FAM184A: variants seen among roughly 807,000 people sequenced by gnomAD.
FAM184A encodes the protein family with sequence similarity 184 member A.
A neutral mutation model predicts 143.8 loss-of-function variants in FAM184A; 99 were observed. The ratio of observed to expected loss-of-function variants is 0.69; its 90% CI spans 0.58 to 0.81. The LOEUF (loss-of-function observed/expected upper bound fraction) is 0.81. FAM184A is among the 40% of genes least tolerant of loss of function. The probability of loss-of-function intolerance (pLI) is 0.00; values close to 1 mark genes in which losing one functional copy is unlikely to be tolerated. For missense variants in FAM184A, 1,217 were observed against 1,310.5 expected (o/e 0.93, Z 1.10); for synonymous variants, 427 against 446.4 (o/e 0.96, Z 0.55).
chr6:119,118,062 C>G (rs1053216262), intron 1 of FAM184A, among the ~76,000 whole-genome samples: 2 of 152,190 alleles, frequency 1.3e-5, no homozygotes, highest in Non-Finnish European at 2.9e-5. Flanking sequence ...TTCTGGATTG[C>G]TGTATATGGC....
chr6:118,997,995 C>T (rs1784624630), intron 9 of FAM184A, among the ~76,000 whole-genome samples: 1 of 152,134 alleles, frequency 6.6e-6, no homozygotes, highest in African/African-American at 2.4e-5. Flanking sequence ...AATGCTGTTT[C>T]TTAGTCTAGT....
chr6:119,099,915 G>A (rs764889832), intron 1 of FAM184A, among the ~76,000 whole-genome samples: 19 of 152,180 alleles, frequency 1.2e-4, no homozygotes, highest in Non-Finnish European at 2.1e-4. Context: ...CCAGAACCAG[G>A]ATTTGGGATC....
chr6:119,002,112 T>C (rs1382232815), intron 9 of FAM184A, among the ~76,000 whole-genome samples: 1 of 152,174 alleles, frequency 6.6e-6, no homozygotes, highest in Non-Finnish European at 1.5e-5. Flanking sequence ...ATGTAACAAA[T>C]GATCTTACAA....
chr6:119,133,912 G>T (rs561207545), intron 1 of FAM184A, among the ~76,000 whole-genome samples: 8 of 151,426 alleles, frequency 5.3e-5, no homozygotes, highest in African/African-American at 1.7e-4. Flanking sequence ...CCAAAGCAGG[G>T]CTCAAGTGAT....
intron 1 of FAM184A, among the ~76,000 whole-genome samples, chr6:119,040,254 C>G (rs548809992): frequency 1.8e-4 from 28 of 152,310 alleles, no homozygotes; most frequent in African/African-American, 6.7e-4. Context: ...TATGGATTTG[C>G]CGCCGGTAAC....
intron 4 of FAM184A, among the ~76,000 whole-genome samples, chr6:119,019,088 G>A (rs1202254636): frequency 6.6e-6 from 1 of 152,184 alleles, no homozygotes; most frequent in African/African-American, 2.4e-5. Context: ...CTGAATAAGT[G>A]ACAGTTGATG....
intron 5 of FAM184A, among the ~76,000 whole-genome samples, chr6:119,015,355 C>A (rs541605591): frequency 2.6e-5 from 4 of 152,082 alleles, no homozygotes; most frequent in East Asian, 2.0e-4. Context: ...TGAGGCTGCA[C>A]GCAGCACTTG....
chr6:119,015,667 A>G (rs1785223529), intron 5 of FAM184A, among the ~76,000 whole-genome samples: 1 of 152,010 alleles, frequency 6.6e-6, no homozygotes, highest in Non-Finnish European at 1.5e-5. Flanking sequence ...CCCCTGCTCC[A>G]CGGCGCCCAG....
chr6:119,056,180 T>G (rs1191157046), intron 1 of FAM184A, among the ~76,000 whole-genome samples: 2 of 152,092 alleles, frequency 1.3e-5, no homozygotes, highest in Non-Finnish European at 2.9e-5. Flanking sequence ...TGTAAATACT[T>G]AAAAGAAAAA....
chr6:119,070,512 C>T (rs1423226059), intron 1 of FAM184A, among the ~76,000 whole-genome samples: 1 of 152,070 alleles, frequency 6.6e-6, no homozygotes, highest in African/African-American at 2.4e-5. Context: ...ATCTAAAAAG[C>T]CCCCTATGGT....
At chr6:119,134,147 C>CA (rs1382302495) in intron 1 of FAM184A, among the ~76,000 whole-genome samples, 1 of 151,704 alleles carries the variant, frequency 6.6e-6, no homozygotes, top group Non-Finnish European at 1.5e-5. Context: ...AAACTATTGA[C>CA]AAAAGATTAG....
At chr6:119,072,556 T>C (rs1199263154) in intron 1 of FAM184A, among the ~76,000 whole-genome samples, 1 of 152,178 alleles carries the variant, frequency 6.6e-6, no homozygotes, top group African/African-American at 2.4e-5. Context: ...CAGAAAATAG[T>C]ATTATTTGAA....
At chr6:118,981,435 C>CA (rs1476097678) in intron 9 of FAM184A, among the ~76,000 whole-genome samples, 2 of 151,870 alleles carry the variant, frequency 1.3e-5, no homozygotes, top group East Asian at 3.9e-4. Flanking sequence ...TTTCTGCGGC[C>CA]AAAAAAGCCA....
At chr6:119,030,992 T>C (rs1056829324) in intron 1 of FAM184A, among the ~76,000 whole-genome samples, 2 of 152,198 alleles carry the variant, frequency 1.3e-5, no homozygotes, top group African/African-American at 4.8e-5. Flanking sequence ...GAATAAGCAA[T>C]AGTAATTTTT....
intron 1 of FAM184A, among the ~76,000 whole-genome samples, chr6:119,047,261 AC>A (rs759517995): frequency 1.3e-5 from 2 of 152,158 alleles, no homozygotes; most frequent in Non-Finnish European, 2.9e-5. Flanking sequence ...AGAAAAGGGA[AC>A]CCTTGTACAC....
At chr6:119,035,833 T>C (rs1017303487) in intron 1 of FAM184A, among the ~76,000 whole-genome samples, 1 of 152,136 alleles carries the variant, frequency 6.6e-6, no homozygotes, top group African/African-American at 2.4e-5. Context: ...CCTTTCCCAA[T>C]GGAACAAACG....
chr6:119,024,844 A>G (rs1785575427), intron 1 of FAM184A, 31 bp from the exon 2 acceptor site: 1 of 1,526,684 alleles, frequency 6.6e-7, no homozygotes, highest in Non-Finnish European at 8.8e-7. Context: ...AGGGAGAAGG[A>G]TTGTGAATCC....
In FAM184A at chr6:119,075,197, G is replaced by A. The variant is rs1009868045; in HGVS notation, c.159+2944C>T. Among the ~76,000 whole-genome samples, 3 of 151,886 alleles carry A rather than the reference G, an allele frequency of 2.0e-5. No homozygotes were observed. The East Asian group carries it at 5.8e-4, about 29-fold the overall frequency. On this transcript the variant is annotated intron_variant, in intron 1 of 17. Transcript: ENST00000338891. ...GTGAAACCTTTAAACTTTGATATTC[G>A]AAGGAGAAAAAAAACTACTATATAT... is the stretch of plus-strand genomic sequence containing the variant.
chr6:119,032,545 AGGGAAGAGAAG>A, intron 1 of FAM184A, among the ~76,000 whole-genome samples: 1 of 129,272 alleles, frequency 7.7e-6, no homozygotes, highest in African/African-American at 3.1e-5. Flanking sequence ...GGAGAGGGAG[AGGGAAGAGAAG>A]GAGAAGGAGA....
Sources: allele counts gnomAD v4.1 joint callset (sites outside exome capture counted in the v4.1 genomes callset), GRCh38; gene constraint gnomAD v4.1.1; transcripts MANE v1.5; gene names NCBI Gene and HGNC (gene_info 2026-07-23, HGNC 2026-07-21).